Variants in RIPOR2 observed in about 807,000 individuals in gnomAD.
RIPOR2 encodes RHO family interacting cell polarization regulator 2.
A neutral mutation model predicts 114.5 loss-of-function variants in RIPOR2; 39 were observed. The ratio of observed to expected loss-of-function variants is 0.34; its 90% CI spans 0.26 to 0.44. The LOEUF (loss-of-function observed/expected upper bound fraction) is 0.44. Among genes scored for constraint, RIPOR2 ranks in the 20% least tolerant of loss-of-function variants. The pLI is 1.00. For missense variants in RIPOR2, 1,007 were observed against 1,255.1 expected (o/e 0.80, Z 2.99); for synonymous variants, 445 against 484.4 (o/e 0.92, Z 1.07).
intron 15 of RIPOR2, 115 bp downstream of exon 15, chr6:24,835,588 G>T: frequency 8.6e-7 from 1 of 1,161,140 alleles, no homozygotes; most frequent in Non-Finnish European, 1.2e-6. Context: ...ACCACAGCAA[G>T]ACTGTTCTCT....
At position 24,858,561 on chromosome 6, in the gene RIPOR2, A is replaced by G. The variant is rs2113818821; in HGVS notation, c.715+2412T>C. 6.6e-6 allele frequency among the ~76,000 whole-genome samples: 1 copy of G among 152,288 alleles called. No homozygotes were observed. Among genetic ancestry groups the G allele is most frequent in the Admixed American group, 6.5e-5 (1 of 15,284 alleles). On this transcript the variant is annotated intron_variant, in intron 8 of 21. Coordinates refer to ENST00000643898, the MANE Select transcript of RIPOR2 (RefSeq NM_001286445.3). This position sits in a 1 kb window ranked among gnomAD's most constrained non-coding sequence, Gnocchi z 4.0. ...TTTATGGAGGAAGAGAAAGATTTCC[A>G]TGGGGGTGTTTACCATTGAAAGCCT... is the stretch of plus-strand genomic sequence containing the variant.
At chr6:25,020,276 A>G (rs535860297) in intron 1 of RIPOR2, among the ~76,000 whole-genome samples, 4 of 152,358 alleles carry the variant, frequency 2.6e-5, no homozygotes, top group African/African-American at 9.6e-5. Flanking sequence ...AAAAAAAAGA[A>G]CACTTTTCCC....
chr6:24,827,420 C>T (rs567364155), intron 18 of RIPOR2, among the ~76,000 whole-genome samples: 2 of 152,274 alleles, frequency 1.3e-5, no homozygotes, highest in South Asian at 2.1e-4. Context: ...TGCCTGGTGC[C>T]GTGCCAGACT....
intron 4 of RIPOR2, 137 bp downstream of exon 4, chr6:24,872,744 C>T: frequency 3.6e-6 from 2 of 556,930 alleles, no homozygotes; most frequent in South Asian, 5.3e-5. Context: ...CCTTCTAAGA[C>T]ATACTGGGGG....
At position 24,840,605 on chromosome 6, in the gene RIPOR2, G is replaced by A. The variant is rs1002115760; in HGVS notation, c.1858-1333C>T. 5.2e-5 allele frequency: 79 copies of A among 1,508,130 alleles called. No homozygotes were observed. The Middle Eastern group carries it at 7.0e-4, about 13-fold the overall frequency. The allele number at this position is 1,508,130 out of a possible 1,614,324, so 93.4% of individuals were successfully genotyped here. On this transcript the variant is annotated intron_variant, in intron 13 of 21. Transcript: ENST00000643898. ...TGACACTCCTTGCTGATTTCTTAGCGCAAGGTAGGAAGGGCCTTGCAGGGA... is the reference window on the plus strand; with the variant it reads ...TGACACTCCTTGCTGATTTCTTAGCACAAGGTAGGAAGGGCCTTGCAGGGA...
intron 1 of RIPOR2, among the ~76,000 whole-genome samples, chr6:24,878,047 G>A (rs986522618): frequency 2.0e-5 from 3 of 152,162 alleles, no homozygotes; most frequent in Admixed American, 1.3e-4. Context: ...TACTGATTAG[G>A]ACTGGTGGGA....
intron 1 of RIPOR2, among the ~76,000 whole-genome samples, chr6:24,935,006 GA>G (rs1282336396): frequency 6.6e-6 from 1 of 152,078 alleles, no homozygotes; most frequent in Non-Finnish European, 1.5e-5. Context: ...GTGTGAGGAA[GA>G]GTAAGAGAGA....
At chr6:24,821,431 G>A (rs539045574) in intron 19 of RIPOR2, among the ~76,000 whole-genome samples, 12 of 149,802 alleles carry the variant, frequency 8.0e-5, no homozygotes, top group South Asian at 4.2e-4. Flanking sequence ...TGATGCGCCC[G>A]CCTCGGCCTC....
intron 7 of RIPOR2, among the ~76,000 whole-genome samples, chr6:24,861,981 C>T (rs1219867835): frequency 6.6e-6 from 1 of 152,238 alleles, no homozygotes; most frequent in Admixed American, 6.5e-5. Context: ...AGACTTCCTA[C>T]TGCAAACCTA....
chr6:24,993,762 A>C (rs1198408478), intron 1 of RIPOR2, among the ~76,000 whole-genome samples: 1 of 152,282 alleles, frequency 6.6e-6, no homozygotes, highest in Non-Finnish European at 1.5e-5. Flanking sequence ...TATATTAAAC[A>C]GTCATGTCCA....
Position 24,875,792 on chromosome 6 carries a change from G to C in RIPOR2, c.87C>G (p.Ile29Met). ...AAAAAGACTGGGATCCTACCAACAT[G>C]ATTTCCGGGAGTCTGGTCGGTAGTC... ...GEGLPTRLPE[I>M]MLVGSQSFSP... The change falls in exon 2 of 22, where the codon ATC becomes ATG. Residue 29 changes from isoleucine to methionine, a missense_variant. Ile to Met is a conservative substitution (Grantham distance 10, BLOSUM62 1). Coordinates refer to ENST00000643898, the MANE Select transcript of RIPOR2 (RefSeq NM_001286445.3). The C allele has an allele frequency of 6.2e-7, 1 of 1,612,686 alleles. No homozygotes were observed. Among genetic ancestry groups the C allele is most frequent in the Non-Finnish European group, 8.5e-7 (1 of 1,179,338 alleles).
At chr6:24,869,230 T>A (rs1463696705) in intron 5 of RIPOR2, 83 bp from the exon 6 acceptor site, 5 of 643,546 alleles carry the variant, frequency 7.8e-6, no homozygotes, top group Non-Finnish European at 2.7e-6. Flanking sequence ...GATTATATCA[T>A]ACTCAAAAGT....
rs1054713623 is a variant in RIPOR2 at position 25,040,794 on chromosome 6, T to C, written c.76+1057A>G. Among the ~76,000 whole-genome samples the C allele has an allele frequency of 5.9e-5, 9 of 152,288 alleles. No individual in the cohort carries two copies. In the South Asian group the frequency reaches 1.9e-3, roughly 32 times the overall value. ...TTTTAGTAGAGACAGGGTTTCACCA[T>C]GTTGGCCAGGGTGGTCTCGATCTCT... On this transcript the variant is annotated intron_variant, in intron 1 of 13. Transcript: ENST00000510784.
chr6:24,969,974 T>C (rs1195616432), intron 1 of RIPOR2, among the ~76,000 whole-genome samples: 1 of 152,198 alleles, frequency 6.6e-6, no homozygotes, highest in African/African-American at 2.4e-5. Flanking sequence ...AGCTGTTCAA[T>C]AAATATTTGT....
chr6:24,852,426 T>G, intron 9 of RIPOR2, 149 bp downstream of exon 9: 1 of 660,224 alleles, frequency 1.5e-6, no homozygotes, highest in Non-Finnish European at 2.7e-6. Flanking sequence ...CCTGTACCAG[T>G]TTCCAGACTT....
At chr6:24,949,969 G>C (rs192935539) in intron 1 of RIPOR2, among the ~76,000 whole-genome samples, 125 of 152,344 alleles carry the variant, frequency 8.2e-4, no homozygotes, top group Admixed American at 2.9e-3. Flanking sequence ...GAAGCAGAGC[G>C]GGGAAGGGGT....
upstream of RIPOR2, among the ~76,000 whole-genome samples, chr6:24,936,266 T>G (rs2114164924): frequency 6.6e-6 from 1 of 152,356 alleles, no homozygotes; most frequent in East Asian, 1.9e-4. Flanking sequence ...GCTTATGAAT[T>G]TGAACACAAT....
At chr6:25,040,751 C>T (rs529703422) in intron 1 of RIPOR2, among the ~76,000 whole-genome samples, 1 of 152,042 alleles carries the variant, frequency 6.6e-6, no homozygotes, top group Non-Finnish European at 1.5e-5. Context: ...CACCACCACG[C>T]CCGGCTAATT....
chr6:24,902,422 G>A (rs1768559465), intron 1 of RIPOR2, among the ~76,000 whole-genome samples: 1 of 152,008 alleles, frequency 6.6e-6, no homozygotes, highest in Admixed American at 6.6e-5. Flanking sequence ...TTACCATGTT[G>A]TCCAGGCTGG....
Sources: gnomAD v4.1 joint callset for allele counts (sites outside exome capture counted in the v4.1 genomes callset) on GRCh38, gnomAD v4.1.1 for gene constraint, Gnocchi (gnomAD v3.1) non-coding constraint, MANE v1.5 for transcripts, NCBI Gene and HGNC (gene_info 2026-07-23, HGNC 2026-07-21) for gene names.